Variants in BARD1 observed in about 807,000 individuals in gnomAD.
The protein encoded by BARD1 is BRCA1 associated RING domain 1.
In BARD1, 73 loss-of-function variants were observed where a neutral mutation model predicts 77.0. The observed-to-expected ratio is 0.95, with a 90% CI of 0.79 to 1.15. BARD1 has a LOEUF of 1.15. BARD1 is among the 50% of genes most tolerant of loss of function. The pLI, the probability that BARD1 is intolerant of heterozygous loss-of-function variation, is 0.00. For missense variants in BARD1, 993 were observed against 938.8 expected, an observed-to-expected ratio of 1.06 and a Z score of -0.75; for synonymous variants, 384 against 338.0, an observed-to-expected ratio of 1.14 and a Z score of -1.49.
chr2:214,740,686 C>A (rs1449941229), intron 9 of BARD1, among the ~76,000 whole-genome samples: 2 of 151,830 alleles, frequency 1.3e-5, no homozygotes, highest in African/African-American at 4.8e-5. Context: ...TCAGAATTTT[C>A]CTAATCTTTC....
rs776586419 is a variant in BARD1 at position 214,792,325 on chromosome 2, T to G, written c.336A>C (p.Arg112=). The G allele has an allele frequency of 3.1e-6, 5 of 1,613,436 alleles. No homozygotes were observed. The South Asian group carries it at 5.5e-5, about 18-fold the overall frequency. ...DSMIQLCSKL[R]NLLHDNELSD... is the part of the protein sequence containing the mutation. ...ACAGCTCATTGTCATGTAGCAAATTTCGAAGCTTACTACAAAGTTGAATCA... is the reference window on the plus strand; with the variant it reads ...ACAGCTCATTGTCATGTAGCAAATTGCGAAGCTTACTACAAAGTTGAATCA... Residue 112 remains arginine (R), a synonymous_variant, in exon 3 of 11, where the codon CGA becomes CGC. Coordinates refer to ENST00000260947, the MANE Select transcript of BARD1 (RefSeq NM_000465.4).
chr2:214,745,209 T>C (rs1383578744), intron 8 of BARD1, 50 bp from the exon 9 acceptor site: 3 of 1,495,110 alleles, frequency 2.0e-6, no homozygotes, highest in Non-Finnish European at 2.8e-6. Flanking sequence ...AGCCAAAGTA[T>C]TTCTTTGGCC....
chr2:214,758,024 T>C (rs1388600619), intron 6 of BARD1, among the ~76,000 whole-genome samples: 3 of 152,136 alleles, frequency 2.0e-5, no homozygotes, highest in Non-Finnish European at 4.4e-5. Flanking sequence ...CTGTAAGCTA[T>C]GGTCAGATTA....
At chr2:214,781,541 C>A in intron 3 of BARD1, 32 bp from the exon 4 acceptor site, 3 of 1,578,608 alleles carry the variant, frequency 1.9e-6, no homozygotes, top group Non-Finnish European at 2.6e-6. Flanking sequence ...AAATCTGTTA[C>A]ATGAAATTTA....
intron 1 of BARD1, among the ~76,000 whole-genome samples, chr2:214,801,334 G>A (rs1456997071): frequency 6.6e-6 from 1 of 152,128 alleles, no homozygotes; most frequent in African/African-American, 2.4e-5. Flanking sequence ...ATGCTTATAT[G>A]AACATAGAAC....
rs2106107413 is a variant in BARD1 at position 214,780,548 on chromosome 2, T to C, written c.1314+12A>G. 1 of 1,610,222 alleles carries C rather than the reference T, an allele frequency of 6.2e-7. No homozygotes were observed. The highest frequency in any genetic ancestry group is 8.5e-7 in the Non-Finnish European group (1 of 1,176,690). ...CTCATTCTGAGATGGTATTTCAGAG[T>C]AAGCATCCTACCTTAATAGAAGCAA... On this transcript the variant is annotated intron_variant, in intron 4 of 10. Transcript: ENST00000260947.
At chr2:214,745,989 A>C (rs1403246951) in intron 7 of BARD1, 135 bp from the exon 8 acceptor site, 1 of 1,067,234 alleles carries the variant, frequency 9.4e-7, no homozygotes, top group African/African-American at 1.6e-5. Context: ...ATTTCCATTG[A>C]ATCTACACCC....
intron 6 of BARD1, among the ~76,000 whole-genome samples, chr2:214,755,315 G>A (rs1174366928): frequency 6.6e-6 from 1 of 152,106 alleles, no homozygotes; most frequent in Non-Finnish European, 1.5e-5. Context: ...AACTTGATTT[G>A]ATATTTATTA....
intron 1 of BARD1, among the ~76,000 whole-genome samples, chr2:214,803,618 C>G (rs902298752): frequency 2.6e-5 from 4 of 152,184 alleles, no homozygotes; most frequent in Admixed American, 6.5e-5. Flanking sequence ...GACCCTCTCC[C>G]CACTATTGTC....
At chr2:214,729,761 T>C (rs1692266929) in intron 10 of BARD1, among the ~76,000 whole-genome samples, 1 of 152,176 alleles carries the variant, frequency 6.6e-6, no homozygotes, top group South Asian at 2.1e-4. Context: ...ATTATTAAAT[T>C]ACAAGAGTAA....
At chr2:214,732,322 C>A (rs928343474) in intron 9 of BARD1, among the ~76,000 whole-genome samples, 5 of 151,970 alleles carry the variant, frequency 3.3e-5, no homozygotes. Context: ...AACTGTCCTG[C>A]GATTGCATCT....
Position 214,767,561 on chromosome 2 carries a change from G to T in BARD1, c.1489C>A (p.Pro497Thr). Residue 497 changes from proline to threonine, a missense_variant, in exon 6 of 11, where the codon CCA becomes ACA. By Grantham distance (38) the Pro-to-Thr change is conservative. Transcript: ENST00000260947. ...CCATTCTTGGCTGCATCGTGAAGTG[G>T]TGAGTCATTTTGATACCCGGTGGTG... ...VNTTGYQNDSPLHDAAKNGHV... is the reference protein window; with the variant it reads ...VNTTGYQNDSTLHDAAKNGHV... 2 of 1,614,062 alleles carry T rather than the reference G, an allele frequency of 1.2e-6. No homozygotes were observed. The highest frequency in any genetic ancestry group is 1.7e-6 in the Non-Finnish European group (2 of 1,179,938).
intron 6 of BARD1, among the ~76,000 whole-genome samples, chr2:214,759,411 C>A (rs10173887): frequency 6.6e-6 from 1 of 151,884 alleles, no homozygotes; most frequent in Non-Finnish European, 1.5e-5. Context: ...GTGGGGAAGA[C>A]AGATTACCAA....
chr2:214,752,442 C>T lies in BARD1; in HGVS notation c.1677+5G>A, dbSNP rs587780019. Reference sequence around the variant, plus strand: ...TAAATGTCCCAAAGCTAAATCCATACTTACTACTGAGCAGTGGCTAGCTGA... The same window carrying T: ...TAAATGTCCCAAAGCTAAATCCATATTTACTACTGAGCAGTGGCTAGCTGA... On this transcript the variant is annotated splice_donor_5th_base_variant and intron_variant, in intron 7 of 10. Coordinates refer to ENST00000260947, the MANE Select transcript of BARD1 (RefSeq NM_000465.4). 6.9e-6 allele frequency: 11 copies of T among 1,598,350 alleles called. No individual in the cohort carries two copies. Among genetic ancestry groups the T allele is most frequent in the African/African-American group, 1.3e-5 (1 of 74,672 alleles).
At chr2:214,792,474 A>G (rs1310215788) in intron 2 of BARD1, 29 bp from the exon 3 acceptor site, 4 of 1,296,166 alleles carry the variant, frequency 3.1e-6, no homozygotes, top group East Asian at 2.5e-5. Context: ...AAAAAAAAAA[A>G]GCAACCCATT....
At chr2:214,763,235 A>G (rs1007977123) in intron 6 of BARD1, among the ~76,000 whole-genome samples, 1 of 152,180 alleles carries the variant, frequency 6.6e-6, no homozygotes, top group Non-Finnish European at 1.5e-5. Flanking sequence ...TCTTCCAGAA[A>G]GCCTTCTGTG....
intron 6 of BARD1, among the ~76,000 whole-genome samples, chr2:214,765,781 G>A (rs528228978): frequency 2.6e-5 from 4 of 151,548 alleles, no homozygotes; most frequent in Admixed American, 6.6e-5. Flanking sequence ...AATAAAAACC[G>A]GAAGAATATA....
At position 214,727,660 on chromosome 2, in the gene BARD1, T is replaced by C; in HGVS notation, c.*1016A>G. On this transcript the variant is annotated 3_prime_UTR_variant, in exon 11 of 11. Transcript: ENST00000260947. ...TCCCCATACCTACTTCTATACTTACTGTATGGCCTTTTGTATGATCTGGAA... is the reference window on the plus strand; with the variant it reads ...TCCCCATACCTACTTCTATACTTACCGTATGGCCTTTTGTATGATCTGGAA... 1 of 230,234 alleles carries C rather than the reference T, an allele frequency of 4.3e-6. No individual in the cohort carries two copies. Among genetic ancestry groups the C allele is most frequent in the Non-Finnish European group, 8.6e-6 (1 of 116,246 alleles). 14.3% of individuals were successfully genotyped at this position (230,234 alleles called of 1,614,324 possible).
At chr2:214,807,738 G>A (rs531079107) in intron 1 of BARD1, among the ~76,000 whole-genome samples, 6 of 9,994 alleles carry the variant, frequency 6.0e-4, no homozygotes, top group African/African-American at 2.0e-3. Context: ...TCCGGAAAAT[G>A]AGAGATGAAT....
Sources: allele counts gnomAD v4.1 joint callset (sites outside exome capture counted in the v4.1 genomes callset), GRCh38; gene constraint gnomAD v4.1.1; transcripts MANE v1.5; gene names NCBI Gene and HGNC (gene_info 2026-07-23, HGNC 2026-07-21).